ZNF707: variants seen among roughly 807,000 people sequenced by gnomAD.
ZNF707 encodes the protein zinc finger protein 707.
A neutral mutation model predicts 13.3 loss-of-function variants in ZNF707; 8 were observed. The observed-to-expected ratio is 0.60, with a 90% confidence interval of 0.35 to 1.09. The LOEUF (loss-of-function observed/expected upper bound fraction) is 1.09. Ranked by LOEUF, ZNF707 falls within the 50% of genes least tolerant of loss-of-function variation. The pLI, the probability that ZNF707 is intolerant of heterozygous loss-of-function variation, is 0.02. For synonymous variants in ZNF707, 225 were observed against 205.6 expected, an observed-to-expected ratio of 1.09 and a Z score of -0.81; for missense variants, 530 against 512.6, an observed-to-expected ratio of 1.03 and a Z score of -0.33.
chr8:143,693,961 A>G lies in ZNF707; in HGVS notation c.547A>G (p.Lys183Glu). 6.2e-7 allele frequency: 1 copy of G among 1,600,824 alleles called. No homozygotes were observed. The highest frequency in any genetic ancestry group is 8.5e-7 in the Non-Finnish European group (1 of 1,175,270). Residue 183 changes from lysine to glutamate, a missense_variant, in exon 6 of 6, where the codon AAG (lysine) becomes GAG (glutamate). By Grantham distance (56) the Lys-to-Glu change is moderately conservative (BLOSUM62 1). Coordinates refer to ENST00000358656, the MANE Select transcript of ZNF707 (RefSeq NM_001100598.2). The surrounding 1 kb of genome is among the most constrained non-coding windows in gnomAD (Gnocchi z 4.1). ...ELSFICGTCG[K>E]ALSCHSRLLA... ...GTCATTCATCTGCGGCACGTGCGGG[A>G]AGGCGCTCAGCTGCCACAGCCGGCT...
In ZNF707 at chr8:143,693,868, G is replaced by A. The variant is rs191045587; in HGVS notation, c.454G>A (p.Val152Met). ...CAAGCCCACGGCTTTCCCGTGTCAG[G>A]TGCTCACGCAGCGTTGTGGGCGGCG... is the stretch of plus-strand genomic sequence containing the variant. ...DAKPTAFPCQ[V>M]LTQRCGRRPG... Residue 152 changes from valine to methionine, a missense_variant, in exon 6 of 6, where the codon GTG (valine) becomes ATG (methionine). Coordinates refer to ENST00000358656, the MANE Select transcript of ZNF707 (RefSeq NM_001100598.2). This position sits in a 1 kb window ranked among gnomAD's most constrained non-coding sequence, Gnocchi z 4.1. 9 of 1,609,926 alleles carry A rather than the reference G, an allele frequency of 5.6e-6. No individual in the cohort carries two copies. The Admixed American group carries it at 1.2e-4, about 21-fold the overall frequency.
At position 143,693,830 on chromosome 8, in the gene ZNF707, A is replaced by C. The variant is rs781895732; in HGVS notation, c.416A>C (p.Glu139Ala). Residue 139 changes from glutamate (E) to alanine (A), a missense_variant, in exon 6 of 6, where the codon GAA becomes GCA. By Grantham distance (107) the Glu-to-Ala change is moderately radical. Transcript: ENST00000358656. The surrounding 1 kb of genome is among the most constrained non-coding windows in gnomAD (Gnocchi z 4.1). ...DDGQLPRAAP[E>A]RTDAKPTAFP... ...GGGCAGCTTCCCAGAGCTGCTCCAG[A>C]AAGGACAGACGCCAAGCCCACGGCT... 3 of 1,612,600 alleles carry C rather than the reference A, an allele frequency of 1.9e-6. No individual in the cohort carries two copies. In the East Asian group the frequency reaches 6.7e-5, roughly 36 times the overall value.
Position 143,693,834 on chromosome 8 carries a change from G to C in ZNF707, c.420G>C (p.Arg140Ser). 6.2e-7 allele frequency: 1 copy of C among 1,612,494 alleles called. No homozygotes were observed. The highest frequency in any genetic ancestry group is 8.5e-7 in the Non-Finnish European group (1 of 1,179,692). Reference protein sequence around the residue: ...DGQLPRAAPERTDAKPTAFPC... With the variant: ...DGQLPRAAPESTDAKPTAFPC... ...AGCTTCCCAGAGCTGCTCCAGAAAG[G>C]ACAGACGCCAAGCCCACGGCTTTCC... The change falls in exon 6 of 6, where the codon AGG becomes AGC. Residue 140 changes from arginine (R) to serine (S), a missense_variant. Physicochemically the swap from Arg to Ser is moderately radical, Grantham distance 110. Transcript: ENST00000358656. The surrounding 1 kb of genome is among the most constrained non-coding windows in gnomAD (Gnocchi z 4.1).
At chr8:143,689,359 G>A (rs1472116276) in intron 2 of ZNF707, 58 bp downstream of exon 2, 3 of 152,568 alleles carry the variant, frequency 2.0e-5, no homozygotes, top group African/African-American at 7.2e-5. Context: ...AGGGGTGCCT[G>A]TGGGGCTGGC....
rs369140192 is a variant in ZNF707, at chr8:143,694,536, C to A, written c.*6C>A. ...ACAGGCACGGGGAGGTGTAGGGGCGCCCGAAGAGTGGGGTGCTGCGCCTCT... is the reference window on the plus strand; with the variant it reads ...ACAGGCACGGGGAGGTGTAGGGGCGACCGAAGAGTGGGGTGCTGCGCCTCT... On this transcript the variant is annotated 3_prime_UTR_variant, in exon 6 of 6. Transcript: ENST00000358656. This position sits in a 1 kb window ranked among gnomAD's most constrained non-coding sequence, Gnocchi z 4.4. 6 of 1,588,408 alleles carry A rather than the reference C, an allele frequency of 3.8e-6. No homozygotes were observed. Among genetic ancestry groups the A allele is most frequent in the Non-Finnish European group, 5.2e-6 (6 of 1,163,344 alleles).
At chr8:143,687,490 C>T (rs1816395787) in intron 1 of ZNF707, 1 of 152,192 alleles carries the variant, frequency 6.6e-6, no homozygotes, top group Non-Finnish European at 1.5e-5. Context: ...TGCCTGCCAC[C>T]ATGCCTGGCT....
Position 143,694,132 on chromosome 8 carries a change from G to T in ZNF707, c.718G>T (p.Ala240Ser). 6.3e-7 allele frequency: 1 copy of T among 1,597,168 alleles called. No individual in the cohort carries two copies. Reference protein sequence around the residue: ...KPFCCEACGQAFSLKDRLAQH... With the variant: ...KPFCCEACGQSFSLKDRLAQH... ...CTTCTGCTGCGAGGCCTGCGGGCAG[G>T]CGTTCAGCCTGAAGGACCGCCTGGC... Residue 240 changes from alanine (A) to serine (S), a missense_variant, in exon 6 of 6, where the codon GCG (alanine) becomes TCG (serine). Ala to Ser is a moderately conservative substitution (Grantham distance 99). Transcript: ENST00000358656. This position sits in a 1 kb window ranked among gnomAD's most constrained non-coding sequence, Gnocchi z 4.4.
rs1816822323 is a variant in ZNF707 at position 143,691,675 on chromosome 8, G to C, written c.218G>C (p.Arg73Thr). ...GAGCCGTGGGTTGAAGACCGGGAGAGACCTGAGTTCCAGGCAGTGCAGAGG... is the reference window on the plus strand; with the variant it reads ...GAGCCGTGGGTTGAAGACCGGGAGACACCTGAGTTCCAGGCAGTGCAGAGG... ...WEEPWVEDRE[R>T]PEFQAVQRGP... Residue 73 changes from arginine to threonine, a missense_variant, in exon 5 of 6, where the codon AGA becomes ACA. Coordinates refer to ENST00000358656, the MANE Select transcript of ZNF707 (RefSeq NM_001100598.2). 1 of 1,605,904 alleles carries C rather than the reference G, an allele frequency of 6.2e-7. No homozygotes were observed. Among genetic ancestry groups the C allele is most frequent in the Non-Finnish European group, 8.5e-7 (1 of 1,176,776 alleles).
Position 143,694,546 on chromosome 8 carries a change from G to C in ZNF707, c.*16G>C, listed in dbSNP as rs1423396159. The C allele has an allele frequency of 1.3e-6, 2 of 1,572,288 alleles. No homozygotes were observed. Among genetic ancestry groups the C allele is most frequent in the African/African-American group, 2.7e-5 (2 of 74,234 alleles). Reference sequence around the variant, plus strand: ...GGAGGTGTAGGGGCGCCCGAAGAGTGGGGTGCTGCGCCTCTGCGGGAGTAC... The same window carrying C: ...GGAGGTGTAGGGGCGCCCGAAGAGTCGGGTGCTGCGCCTCTGCGGGAGTAC... On this transcript the variant is annotated 3_prime_UTR_variant, in exon 6 of 6. Coordinates refer to ENST00000358656, the MANE Select transcript of ZNF707 (RefSeq NM_001100598.2). The surrounding 1 kb of genome is among the most constrained non-coding windows in gnomAD (Gnocchi z 4.4).
chr8:143,686,446 C>A (rs899617196), intron 1 of ZNF707, among the ~76,000 whole-genome samples: 1 of 152,170 alleles, frequency 6.6e-6, no homozygotes, highest in Non-Finnish European at 1.5e-5. Flanking sequence ...AATTGGAAAA[C>A]ACCACCCATG....
rs374169132 is a variant in ZNF707 at position 143,691,238 on chromosome 8, T to A, written c.142+39T>A. ...GAGCGCAGCGTGAGCACAGGGTGAG[T>A]GCTGGGAGAGCTCTGCCGCTGCCTC... On this transcript the variant is annotated intron_variant, in intron 4 of 5. Transcript: ENST00000358656. 3.2e-6 allele frequency: 5 copies of A among 1,575,598 alleles called. No homozygotes were observed. The African/African-American group carries it at 5.4e-5, about 17-fold the overall frequency.
intron 1 of ZNF707, chr8:143,688,956 G>C (rs1816546608): frequency 6.6e-6 from 1 of 152,398 alleles, no homozygotes; most frequent in Non-Finnish European, 1.5e-5. Flanking sequence ...TTTGGGTTTT[G>C]CTGGCCTCAT....
chr8:143,692,886 C>T lies in ZNF707; in HGVS notation c.257-785C>T, dbSNP rs113361120. 6.0e-5 allele frequency among the ~76,000 whole-genome samples: 9 copies of T among 150,390 alleles called. No individual in the cohort carries two copies. In the South Asian group the frequency reaches 6.3e-4, roughly 11 times the overall value. On this transcript the variant is annotated intron_variant, in intron 5 of 5. Transcript: ENST00000358656. ...CCCGGCTGGGGAGGTGTCGCATCCC[C>T]GGGTGTGTGGAGCCCCCGGCTGAAG...
chr8:143,691,884 C>T, intron 5 of ZNF707, 171 bp downstream of exon 5: 1 of 981,146 alleles, frequency 1.0e-6, no homozygotes, highest in East Asian at 2.6e-5. Context: ...AGCCACGCTC[C>T]TGCCCTGATG....
At chr8:143,691,348 G>C in intron 4 of ZNF707, 149 bp downstream of exon 4, 1 of 1,348,722 alleles carries the variant, frequency 7.4e-7, no homozygotes, top group Non-Finnish European at 9.8e-7. Flanking sequence ...TGTAGACAGA[G>C]GGGCCCACTC....
chr8:143,688,840 A>G (rs1230080521), intron 1 of ZNF707: 1 of 152,112 alleles, frequency 6.6e-6, no homozygotes, highest in Non-Finnish European at 1.5e-5. Context: ...AGGCTGGGCA[A>G]CTGCTGGGCT....
chr8:143,691,582 T>C lies in ZNF707; in HGVS notation c.143-18T>C, dbSNP rs1816814447. ...CCTCAGTACAAGTAAAACAGAAACT[T>C]TTCTCTCCTTTGAGAAGGATTTTGC... On this transcript the variant is annotated intron_variant, in intron 4 of 5. Coordinates refer to ENST00000358656, the MANE Select transcript of ZNF707 (RefSeq NM_001100598.2). 1.3e-6 allele frequency: 2 copies of C among 1,586,436 alleles called. No individual in the cohort carries two copies. The highest frequency in any genetic ancestry group is 1.7e-6 in the Non-Finnish European group (2 of 1,166,416).
At chr8:143,691,542 C>T (rs1209290350) in intron 4 of ZNF707, 58 bp from the exon 5 acceptor site, 3 of 1,514,924 alleles carry the variant, frequency 2.0e-6, no homozygotes, top group Non-Finnish European at 2.7e-6. Context: ...CTCTGAGCCT[C>T]GACCCTCACT....
Position 143,686,085 on chromosome 8 carries a change from T to TG in ZNF707, c.-151+1544dup, listed in dbSNP as rs200580326. 5.3e-5 allele frequency among the ~76,000 whole-genome samples: 8 copies of TG among 150,576 alleles called. No individual in the cohort carries two copies. The East Asian group carries it at 1.4e-3, about 26-fold the overall frequency. The stretch of plus-strand genomic sequence containing the variant: ...CAGCTGTTGAGCTGAGGGGAGAGGG[T>TG]GTTTTTTTTTTGTTTTTGTTTTTGT... On this transcript the variant is annotated intron_variant, in intron 1 of 5. Coordinates refer to ENST00000358656, the MANE Select transcript of ZNF707 (RefSeq NM_001100598.2).
Sources: gnomAD v4.1 joint callset for allele counts (sites outside exome capture counted in the v4.1 genomes callset) on GRCh38, gnomAD v4.1.1 for gene constraint, Gnocchi (gnomAD v3.1) non-coding constraint, MANE v1.5 for transcripts, NCBI Gene and HGNC (gene_info 2026-07-23, HGNC 2026-07-21) for gene names.